Variants in CAT observed in about 807,000 individuals in gnomAD.
CAT encodes epididymis secretory sperm binding protein.
Under a neutral mutation model 59.0 loss-of-function variants are expected in CAT, and 43 were observed. The ratio of observed to expected loss-of-function variants is 0.73; its 90% CI spans 0.57 to 0.94. The LOEUF is 0.94. Ranked by LOEUF, CAT falls within the 40% of genes least tolerant of loss-of-function variation. The pLI is 0.00. For missense variants in CAT, 664 were observed against 682.9 expected (o/e 0.97, Z 0.31); for synonymous variants, 218 against 230.9 (o/e 0.94, Z 0.51).
chr11:34,458,441 A>G (rs1856614774), intron 8 of CAT, among the ~76,000 whole-genome samples: 1 of 152,222 alleles, frequency 6.6e-6, no homozygotes, highest in African/African-American at 2.4e-5. Flanking sequence ...ACAACTAGGG[A>G]TTGGGAATAG....
chr11:34,454,432 G>A (rs1325657497), intron 6 of CAT, among the ~76,000 whole-genome samples: 2 of 152,104 alleles, frequency 1.3e-5, no homozygotes, highest in Non-Finnish European at 2.9e-5. Flanking sequence ...AGTGAACCCT[G>A]GCATGTTAGT....
In CAT at chr11:34,464,438, A is replaced by G. The variant is rs1327264025; in HGVS notation, c.1326+203A>G. 2.0e-5 allele frequency among the ~76,000 whole-genome samples: 3 copies of G among 152,196 alleles called. No individual in the cohort carries two copies. In the East Asian group the frequency reaches 5.8e-4, roughly 29 times the overall value. ...TTACTCTGGTCTTTTGCCTCAAAGCATGCAGACTCCGTCTCAGTTTCTTCA... is the reference window on the plus strand; with the variant it reads ...TTACTCTGGTCTTTTGCCTCAAAGCGTGCAGACTCCGTCTCAGTTTCTTCA... On this transcript the variant is annotated intron_variant, in intron 10 of 12. Coordinates refer to ENST00000241052, the MANE Select transcript of CAT (RefSeq NM_001752.4).
chr11:34,445,083 A>G (rs1856433872), intron 1 of CAT, among the ~76,000 whole-genome samples: 1 of 152,100 alleles, frequency 6.6e-6, no homozygotes, highest in Non-Finnish European at 1.5e-5. Flanking sequence ...TCCGTGGTTT[A>G]GTTTATTTGC....
At chr11:34,458,389 A>G (rs1027730214) in intron 8 of CAT, among the ~76,000 whole-genome samples, 1 of 152,130 alleles carries the variant, frequency 6.6e-6, no homozygotes, top group Admixed American at 6.6e-5. Flanking sequence ...TCTGGGATAT[A>G]TTGAGTAGAA....
At chr11:34,468,432 C>G (rs1235560170) in intron 11 of CAT, 37 bp downstream of exon 11, 5 of 1,412,734 alleles carry the variant, frequency 3.5e-6, no homozygotes, top group African/African-American at 2.8e-5. Flanking sequence ...CCTCTGCTGG[C>G]TAAGGAAGAC....
rs867999739 is a variant in CAT, at chr11:34,451,005, G to A, written c.256G>A (p.Glu86Lys). Residue 86 changes from glutamate (E) to lysine (K), a missense_variant, in exon 3 of 13, where the codon GAG (glutamate) becomes AAG (lysine). By Grantham distance (56) the Glu-to-Lys change is moderately conservative. Coordinates refer to ENST00000241052, the MANE Select transcript of CAT (RefSeq NM_001752.4). ...CTCGTTAGGGGCCTTTGGCTACTTTGAGGTCACACATGACATTACCAAATA... is the reference window on the plus strand; with the variant it reads ...CTCGTTAGGGGCCTTTGGCTACTTTAAGGTCACACATGACATTACCAAATA... ...AKGAGAFGYF[E>K]VTHDITKYSK... 6.2e-7 allele frequency: 1 copy of A among 1,612,380 alleles called. No individual in the cohort carries two copies. The highest frequency in any genetic ancestry group is 1.3e-5 in the African/African-American group (1 of 74,990).
intron 1 of CAT, among the ~76,000 whole-genome samples, chr11:34,445,353 T>C (rs1334737226): frequency 6.7e-6 from 1 of 149,474 alleles, no homozygotes; most frequent in Non-Finnish European, 1.5e-5. Context: ...ATTAGCTGGG[T>C]GTGGTGGTGG....
At chr11:34,470,805 T>C (rs1856764274) in intron 11 of CAT, 153 bp from the exon 12 acceptor site, 5 of 757,476 alleles carry the variant, frequency 6.6e-6, no homozygotes, top group Non-Finnish European at 9.6e-6. Flanking sequence ...GCATCTTAAC[T>C]CTGAGGCTGG....
At chr11:34,446,609 ATC>A (rs1322481848) in intron 1 of CAT, among the ~76,000 whole-genome samples, 3 of 152,158 alleles carry the variant, frequency 2.0e-5, no homozygotes, top group Non-Finnish European at 4.4e-5. Flanking sequence ...ATGTGCTCTC[ATC>A]TCTGCCTTAG....
chr11:34,464,356 A>G, intron 10 of CAT, 121 bp downstream of exon 10: 1 of 1,041,254 alleles, frequency 9.6e-7, no homozygotes, highest in Non-Finnish European at 1.5e-6. Context: ...GAATTCAAGG[A>G]AGACTCATCT....
intron 4 of CAT, among the ~76,000 whole-genome samples, chr11:34,452,868 A>AT (rs1301292550): frequency 1.3e-5 from 2 of 151,696 alleles, no homozygotes; most frequent in Non-Finnish European, 2.9e-5. Flanking sequence ...AAAAAAAAAA[A>AT]GAAAAGACTA....
intron 1 of CAT, among the ~76,000 whole-genome samples, chr11:34,443,763 G>C (rs1310627508): frequency 6.6e-6 from 1 of 152,120 alleles, no homozygotes; most frequent in African/African-American, 2.4e-5. Flanking sequence ...TCAGTGAGTT[G>C]CCTATGCATT....
intron 12 of CAT, 52 bp downstream of exon 12, chr11:34,471,093 T>G: frequency 6.9e-7 from 1 of 1,456,770 alleles, no homozygotes. Context: ...TGGGTTGGAG[T>G]AGGCATGACT....
intron 8 of CAT, among the ~76,000 whole-genome samples, chr11:34,458,834 C>T (rs1002297928): frequency 1.3e-5 from 2 of 152,148 alleles, no homozygotes; most frequent in African/African-American, 4.8e-5. Context: ...GACTGCAAAG[C>T]AAATACGTAT....
At chr11:34,444,117 G>A (rs1263214124) in intron 1 of CAT, among the ~76,000 whole-genome samples, 1 of 152,146 alleles carries the variant, frequency 6.6e-6, no homozygotes, top group African/African-American at 2.4e-5. Context: ...GAAATGTTTA[G>A]TAGGGACTTA....
chr11:34,464,363 A>G, intron 10 of CAT, 128 bp downstream of exon 10: 2 of 991,538 alleles, frequency 2.0e-6, no homozygotes, highest in Non-Finnish European at 3.2e-6. Flanking sequence ...AGGAAGACTC[A>G]TCTGTAATAG....
Position 34,453,885 on chromosome 11 carries a change from A to T in CAT, c.670A>T (p.Asn224Tyr). 6.2e-7 allele frequency: 1 copy of T among 1,614,002 alleles called. No individual in the cohort carries two copies. The highest frequency in any genetic ancestry group is 8.5e-7 in the Non-Finnish European group (1 of 1,179,868). The change falls in exon 6 of 13, where the codon AAT becomes TAT. Residue 224 changes from asparagine to tyrosine, a missense_variant. Asn to Tyr is a moderately radical substitution (Grantham distance 143, BLOSUM62 -2). Transcript: ENST00000241052. Reference protein sequence around the residue: ...GYGSHTFKLVNANGEAVYCKF... With the variant: ...GYGSHTFKLVYANGEAVYCKF... ...TGGATCACATACTTTCAAGCTGGTT[A>T]ATGCAAATGGGGAGGCAGTTTATTG...
chr11:34,456,052 G>A lies in CAT; in HGVS notation c.753G>A (p.Ala251=), dbSNP rs201434009. 1.2e-5 allele frequency: 19 copies of A among 1,613,992 alleles called. No homozygotes were observed. Among genetic ancestry groups the A allele is most frequent in the South Asian group, 6.6e-5 (6 of 91,048 alleles). ...AAAACCTTTCTGTTGAAGATGCGGC[G>A]AGACTTTCCCAGGAAGATCCTGACT... ...GIKNLSVEDA[A]RLSQEDPDYG... is the part of the protein sequence containing the mutation. Residue 251 remains alanine, a synonymous_variant, in exon 7 of 13, where the codon GCG becomes GCA. Transcript: ENST00000241052.
chr11:34,458,785 A>G (rs1856617588), intron 8 of CAT, among the ~76,000 whole-genome samples: 2 of 152,232 alleles, frequency 1.3e-5, no homozygotes, highest in Admixed American at 6.5e-5. Flanking sequence ...TTTGAAGAAC[A>G]ATGAAGATTT....
Sources: gnomAD v4.1 joint callset for allele counts (sites outside exome capture counted in the v4.1 genomes callset) on GRCh38, gnomAD v4.1.1 for gene constraint, MANE v1.5 for transcripts, NCBI Gene and HGNC (gene_info 2026-07-23, HGNC 2026-07-21) for gene names.